APTX: variants seen among roughly 807,000 people sequenced by gnomAD.
APTX encodes the protein aprataxin.
APTX carries 33 observed loss-of-function variants against 42.3 expected under a neutral mutation model. The observed-to-expected ratio is 0.78, with a 90% CI of 0.59 to 1.04. The LOEUF is 1.04. Ranked by LOEUF, APTX falls within the 50% of genes least tolerant of loss-of-function variation. The pLI, the probability that APTX is intolerant of heterozygous loss-of-function variation, is 0.00. For synonymous variants in APTX, 130 were observed against 146.7 expected (o/e 0.89, Z 0.82); for missense variants, 421 against 415.1 (o/e 1.01, Z -0.12).
chr9:33,022,168 C>T (rs10971340), intron 1 of APTX, among the ~76,000 whole-genome samples: 10,717 of 151,736 alleles, frequency 0.071, 515 homozygotes, highest in Non-Finnish European at 0.11. Flanking sequence ...AAGTAAAAAG[C>T]GAAGAATATA....
intron 1 of APTX, among the ~76,000 whole-genome samples, chr9:33,007,498 C>T (rs1564000361): frequency 6.6e-6 from 1 of 152,154 alleles, no homozygotes; most frequent in Admixed American, 6.5e-5. Context: ...AACGAAGGGA[C>T]AGAAGTTCAC....
intron 1 of APTX, among the ~76,000 whole-genome samples, chr9:32,991,341 T>C (rs1489461248): frequency 6.6e-6 from 1 of 152,128 alleles, no homozygotes; most frequent in Non-Finnish European, 1.5e-5. Context: ...ATGTGGACTA[T>C]CAGTAAAAGA....
intron 1 of APTX, among the ~76,000 whole-genome samples, chr9:32,999,639 G>A (rs1245101832): frequency 6.6e-6 from 1 of 152,184 alleles, no homozygotes; most frequent in African/African-American, 2.4e-5. Flanking sequence ...AGAAATGTGA[G>A]GGAAAGCACA....
intron 1 of APTX, among the ~76,000 whole-genome samples, chr9:32,999,308 G>C (rs141964500): frequency 1.4e-3 from 210 of 152,332 alleles, no homozygotes; most frequent in African/African-American, 4.6e-3. Flanking sequence ...TGAGGAAATG[G>C]AGGCAGAGTT....
intron 2 of APTX, among the ~76,000 whole-genome samples, chr9:32,988,458 C>A (rs927505570): frequency 1.3e-5 from 2 of 152,080 alleles, no homozygotes; most frequent in African/African-American, 4.8e-5. Context: ...GACTCTGCCG[C>A]CAGAAAAGAA....
intron 1 of APTX, among the ~76,000 whole-genome samples, chr9:33,015,382 C>T (rs760123081): frequency 2.6e-5 from 4 of 152,060 alleles, no homozygotes; most frequent in Admixed American, 1.3e-4. Context: ...TTTTTTGAGA[C>T]GGAGCCTCAC....
intron 1 of APTX, among the ~76,000 whole-genome samples, chr9:33,024,163 C>T (rs558465893): frequency 6.6e-6 from 1 of 152,368 alleles, no homozygotes; most frequent in South Asian, 2.1e-4. Flanking sequence ...GGCTTTTCAA[C>T]TCTGCATCTC....
In APTX at chr9:32,973,645, G is replaced by C; in HGVS notation, c.882C>G (p.Ile294Met). 2 of 1,610,940 alleles carry C rather than the reference G, an allele frequency of 1.2e-6. No homozygotes were observed. The highest frequency in any genetic ancestry group is 1.7e-6 in the Non-Finnish European group (2 of 1,179,638). The change falls in exon 8 of 8, where the codon ATC (isoleucine) becomes ATG (methionine). Residue 294 changes from isoleucine to methionine, a missense_variant. Ile to Met is a conservative substitution (Grantham distance 10). Transcript: ENST00000379817. ...TEYFLESQAV[I>M]EMVQEAGRVT... ...CTCTACCAGCCTCTTGTACCATCTCGATCACAGCTGCAGGCAAGGAAGAAA... is the reference window on the plus strand; with the variant it reads ...CTCTACCAGCCTCTTGTACCATCTCCATCACAGCTGCAGGCAAGGAAGAAA...
intron 1 of APTX, among the ~76,000 whole-genome samples, chr9:33,008,858 T>C (rs1034927308): frequency 6.6e-6 from 1 of 151,852 alleles, no homozygotes; most frequent in African/African-American, 2.4e-5. Context: ...GCCTGATTGA[T>C]TTTTTAATGA....
upstream of APTX, among the ~76,000 whole-genome samples, chr9:33,002,050 G>C (rs1044923067): frequency 3.9e-5 from 6 of 152,236 alleles, no homozygotes; most frequent in Non-Finnish European, 8.8e-5. Context: ...AGGGAGGAAA[G>C]AATGGAGCGG....
intron 1 of APTX, among the ~76,000 whole-genome samples, chr9:33,011,348 C>T (rs1837529458): frequency 6.6e-6 from 1 of 151,132 alleles, no homozygotes; most frequent in South Asian, 2.1e-4. Context: ...AGTGCAGTGG[C>T]ACGATCTTGG....
At chr9:33,001,748 G>A (rs1274801374), upstream of APTX, 1 of 1,073,286 alleles carries the variant, frequency 9.3e-7, no homozygotes, top group Non-Finnish European at 1.4e-6. Flanking sequence ...CCCCAATTGG[G>A]TTCTCTCTGG....
At position 33,010,835 on chromosome 9, in the gene APTX, G is replaced by A. The variant is rs147025406; in HGVS notation, c.-5+14188C>T. 4.1e-3 allele frequency among the ~76,000 whole-genome samples: 623 copies of A among 152,154 alleles called. 3 individuals carry two copies. Among genetic ancestry groups the A allele is most frequent in the African/African-American group, 0.014 (576 of 41,510 alleles). ...GATAAATGCTATAAAGAAAAAACAA[G>A]TGGGATATAGAAAGTGGTGAGGATG... On this transcript the variant is annotated intron_variant, in intron 1 of 6. Transcript: ENST00000436040.
intron 6 of APTX, among the ~76,000 whole-genome samples, chr9:32,976,034 T>C (rs991809175): frequency 2.0e-5 from 3 of 152,200 alleles, no homozygotes; most frequent in African/African-American, 4.8e-5. Flanking sequence ...TTTTTCTTAT[T>C]CCTAACAGAA....
intron 1 of APTX, chr9:33,024,919 G>A (rs3758276): frequency 0.26 from 35,420 of 136,102 alleles, 4,481 homozygotes; most frequent in Middle Eastern, 0.39. Flanking sequence ...CACAGCTCCC[G>A]CTGGGTCACT....
At chr9:32,998,270 G>A (rs551261810) in intron 1 of APTX, among the ~76,000 whole-genome samples, 1 of 152,284 alleles carries the variant, frequency 6.6e-6, no homozygotes, top group South Asian at 2.1e-4. Context: ...AACCAAGCCA[G>A]CTGATGGGTT....
intron 6 of APTX, among the ~76,000 whole-genome samples, chr9:32,976,761 G>C (rs1408191119): frequency 2.0e-5 from 3 of 152,164 alleles, no homozygotes; most frequent in Non-Finnish European, 4.4e-5. Context: ...TAAAAGCTAA[G>C]CTAATTTCAA....
chr9:32,992,780 T>C (rs548293215), intron 1 of APTX, among the ~76,000 whole-genome samples: 10 of 152,318 alleles, frequency 6.6e-5, no homozygotes, highest in Admixed American at 2.6e-4. Flanking sequence ...GTGAGGAGGC[T>C]GTTAATATAA....
At chr9:32,997,632 C>T (rs1343371508) in intron 1 of APTX, among the ~76,000 whole-genome samples, 1 of 139,318 alleles carries the variant, frequency 7.2e-6, no homozygotes, top group Non-Finnish European at 1.6e-5. Flanking sequence ...AGAACAAGGG[C>T]AAGTACACAA....
Sources: allele counts gnomAD v4.1 joint callset (sites outside exome capture counted in the v4.1 genomes callset), GRCh38; gene constraint gnomAD v4.1.1; transcripts MANE v1.5; gene names NCBI Gene and HGNC (gene_info 2026-07-23, HGNC 2026-07-21).